Variants in PLCB1 observed in about 807,000 individuals in gnomAD.
PLCB1 encodes the protein 1-phosphatidylinositol 4,5-bisphosphate phosphodiesterase beta-1.
PLCB1 carries 46 observed loss-of-function variants against 161.8 expected under a neutral mutation model. The observed-to-expected ratio is 0.28, with a 90% CI of 0.22 to 0.36. PLCB1 has a LOEUF of 0.36. PLCB1 is among the 10% of genes least tolerant of loss of function. The probability of loss-of-function intolerance (pLI) is 1.00; values close to 1 mark genes in which losing one functional copy is unlikely to be tolerated. For missense variants in PLCB1, 1,016 were observed against 1,472.5 expected (o/e 0.69, Z 5.07); for synonymous variants, 517 against 503.7 (o/e 1.03, Z -0.35).
chr20:8,788,381 G>T, intron 27 of PLCB1, 68 bp from the exon 28 acceptor site: 1 of 1,396,884 alleles, frequency 7.2e-7, no homozygotes, highest in South Asian at 1.2e-5. Flanking sequence ...TCTGTTGTTT[G>T]AGGGAGGTGG....
intron 15 of PLCB1, among the ~76,000 whole-genome samples, chr20:8,723,167 A>AT (rs2123479944): frequency 6.6e-6 from 1 of 152,320 alleles, no homozygotes; most frequent in South Asian, 2.1e-4. Flanking sequence ...TCTTAGAATT[A>AT]TTTTTTAATG....
intron 2 of PLCB1, among the ~76,000 whole-genome samples, chr20:8,239,109 A>G (rs1205268749): frequency 1.3e-5 from 2 of 152,048 alleles, no homozygotes; most frequent in Non-Finnish European, 2.9e-5. Flanking sequence ...AGATTGGAGC[A>G]GTATACCAGG....
intron 3 of PLCB1, among the ~76,000 whole-genome samples, chr20:8,421,665 T>A (rs1213173709): frequency 6.6e-6 from 1 of 151,466 alleles, no homozygotes; most frequent in Non-Finnish European, 1.5e-5. Flanking sequence ...CAAAGATCCC[T>A]TTAATCCCTA....
chr20:8,163,463 A>G (rs180897553), intron 2 of PLCB1, among the ~76,000 whole-genome samples: 5 of 152,346 alleles, frequency 3.3e-5, no homozygotes, highest in Admixed American at 3.3e-4. Flanking sequence ...ACACATGGGC[A>G]CCACCAGCAG....
chr20:8,660,123 G>A (rs1348104422), intron 9 of PLCB1, among the ~76,000 whole-genome samples: 2 of 152,082 alleles, frequency 1.3e-5, no homozygotes, highest in East Asian at 3.9e-4. Flanking sequence ...TCTTGGTGAA[G>A]AACTTTGCCT....
chr20:8,350,668 A>G (rs1425566484), intron 2 of PLCB1, among the ~76,000 whole-genome samples: 3 of 152,190 alleles, frequency 2.0e-5, no homozygotes, highest in African/African-American at 4.8e-5. Context: ...AATCACCACA[A>G]TGTCTTCCAC....
intron 2 of PLCB1, among the ~76,000 whole-genome samples, chr20:8,200,487 G>T (rs2052081288): frequency 6.6e-6 from 1 of 151,846 alleles, no homozygotes; most frequent in African/African-American, 2.4e-5. Context: ...TTATTTCTAT[G>T]TGCTTTCAAA....
In PLCB1 at chr20:8,253,406, T is replaced by C. The variant is rs184387063; in HGVS notation, c.177+103035T>C. ...TATCTCTGGACTCTCTTCTGATCCA[T>C]TGACCTACCCATATACCAATACGAG... On this transcript the variant is annotated intron_variant, in intron 2 of 31. Coordinates refer to ENST00000338037, the MANE Select transcript of PLCB1 (RefSeq NM_015192.4). Among the ~76,000 whole-genome samples the C allele has an allele frequency of 1.2e-3, 179 of 152,096 alleles. 1 individual carries two copies. Among genetic ancestry groups the C allele is most frequent in the Non-Finnish European group, 2.0e-3 (139 of 67,936 alleles).
At chr20:8,811,575 A>G (rs1452042852) in intron 31 of PLCB1, among the ~76,000 whole-genome samples, 3 of 151,124 alleles carry the variant, frequency 2.0e-5, no homozygotes, top group Non-Finnish European at 2.9e-5. Context: ...CCTCTGATAA[A>G]TTAATATTCA....
chr20:8,371,492 A>T (rs765155521), intron 3 of PLCB1, 42 bp downstream of exon 3: 77 of 1,374,314 alleles, frequency 5.6e-5, no homozygotes, highest in Non-Finnish European at 7.4e-5. Context: ...TGCTGCCTTG[A>T]TTGTTTGGCT....
chr20:8,722,377 G>T lies in PLCB1; in HGVS notation c.1537G>T (p.Asp513Tyr). The stretch of plus-strand genomic sequence containing the variant: ...AGGAGAAGCTGATACGGAAAGTGAC[G>T]ACGACGATGATGATGATGACTGTAA... The part of the protein sequence containing the change: ...GAGEADTESD[D>Y]DDDDDDCKKS... Residue 513 changes from aspartate (D) to tyrosine (Y), a missense_variant, in exon 15 of 32, where the codon GAC (aspartate) becomes TAC (tyrosine). Physicochemically the swap from Asp to Tyr is radical, Grantham distance 160. This residue lies in a region of PLCB1 where 109 missense variants were observed against 129.7 expected (regional missense o/e 0.84). Transcript: ENST00000338037. The T allele has an allele frequency of 6.2e-6, 10 of 1,611,492 alleles. No homozygotes were observed. The highest frequency in any genetic ancestry group is 8.5e-6 in the Non-Finnish European group (10 of 1,178,982).
chr20:8,880,212 T>G (rs1359169133), intron 31 of PLCB1, among the ~76,000 whole-genome samples: 1 of 152,192 alleles, frequency 6.6e-6, no homozygotes, highest in African/African-American at 2.4e-5. Flanking sequence ...TTATTCTCCC[T>G]GCTCACCAAT....
At chr20:8,250,470 T>C (rs1340833030) in intron 2 of PLCB1, among the ~76,000 whole-genome samples, 1 of 152,042 alleles carries the variant, frequency 6.6e-6, no homozygotes, top group Admixed American at 6.6e-5. Flanking sequence ...ATTTTGCATC[T>C]GTAAGGTGGT....
intron 31 of PLCB1, among the ~76,000 whole-genome samples, chr20:8,820,172 G>T (rs1054671999): frequency 7.5e-5 from 11 of 147,456 alleles, no homozygotes; most frequent in African/African-American, 2.7e-4. Flanking sequence ...TCAACCAGCA[G>T]ATACAGAGAA....
At chr20:8,657,426 A>G in intron 8 of PLCB1, 142 bp downstream of exon 8, 1 of 650,330 alleles carries the variant, frequency 1.5e-6, no homozygotes, top group Non-Finnish European at 2.8e-6. Context: ...GATGTTTTGG[A>G]TAGGATCACA....
intron 2 of PLCB1, among the ~76,000 whole-genome samples, chr20:8,276,729 C>T (rs998641782): frequency 3.3e-5 from 5 of 151,974 alleles, no homozygotes; most frequent in African/African-American, 7.2e-5. Context: ...AGATAGGCCT[C>T]GAGTGCATCC....
intron 3 of PLCB1, among the ~76,000 whole-genome samples, chr20:8,490,038 G>A (rs1044526152): frequency 1.3e-5 from 2 of 152,136 alleles, no homozygotes; most frequent in Non-Finnish European, 2.9e-5. Context: ...ATATAAAAAT[G>A]TCTCAAACTA....
chr20:8,243,880 A>T (rs1980737631), intron 2 of PLCB1, among the ~76,000 whole-genome samples: 1 of 151,960 alleles, frequency 6.6e-6, no homozygotes, highest in Admixed American at 6.6e-5. Context: ...GCATAATTTC[A>T]GTTTCCTCAT....
At chr20:8,272,870 A>T (rs1982352538) in intron 2 of PLCB1, among the ~76,000 whole-genome samples, 1 of 152,178 alleles carries the variant, frequency 6.6e-6, no homozygotes, top group South Asian at 2.1e-4. Flanking sequence ...TCATGCAATC[A>T]TACAATCAGT....
Sources: allele counts gnomAD v4.1 joint callset (sites outside exome capture counted in the v4.1 genomes callset), GRCh38; gene constraint gnomAD v4.1.1; regional missense constraint gnomAD v4.1.1; transcripts MANE v1.5; gene names NCBI Gene and HGNC (gene_info 2026-07-23, HGNC 2026-07-21).